Variants in EBF3 observed in about 807,000 individuals in gnomAD.
EBF3 encodes EBF transcription factor 3, also known as transcription factor COE3.
EBF3 carries 18 observed loss-of-function variants against 77.1 expected under a neutral mutation model. The ratio of observed to expected loss-of-function variants is 0.23; its 90% CI spans 0.16 to 0.35. EBF3 has a LOEUF of 0.35. Among genes scored for constraint, EBF3 ranks in the 10% least tolerant of loss-of-function variants. The pLI is 1.00. For synonymous variants in EBF3, 350 were observed against 343.5 expected, an observed-to-expected ratio of 1.02 and a Z score of -0.21; for missense variants, 558 against 860.0, an observed-to-expected ratio of 0.65 and a Z score of 4.39.
At chr10:129,913,121 C>T (rs534306235) in intron 6 of EBF3, among the ~76,000 whole-genome samples, 1 of 152,372 alleles carries the variant, frequency 6.6e-6, no homozygotes, top group Non-Finnish European at 1.5e-5. Flanking sequence ...TCGAGCTAGG[C>T]ATTTTTCTCT....
rs1429809198 is a variant in EBF3, at chr10:129,836,896, C to A, written c.*1047G>T. The A allele has an allele frequency of 1.3e-5, 2 of 152,572 alleles. No homozygotes were observed. The highest frequency in any genetic ancestry group is 2.9e-5 in the Non-Finnish European group (2 of 68,020). The allele number at this position is 152,572 out of a possible 1,614,324, so 9.5% of individuals were successfully genotyped here. ...CAAGTGTTCATGGGAAAGTAAGTGT[C>A]AAATGAAGACCATTTTATTCCTTAT... On this transcript the variant is annotated 3_prime_UTR_variant, in exon 17 of 17. Transcript: ENST00000440978.
At position 129,837,691 on chromosome 10, in the gene EBF3, G is replaced by T; in HGVS notation, c.*252C>A. 3.8e-6 allele frequency: 2 copies of T among 532,834 alleles called. No homozygotes were observed. The highest frequency in any genetic ancestry group is 3.3e-6 in the Non-Finnish European group (1 of 302,138). 33.0% of individuals were successfully genotyped at this position (532,834 alleles called of 1,614,324 possible). On this transcript the variant is annotated 3_prime_UTR_variant, in exon 17 of 17. Coordinates refer to ENST00000440978, the MANE Select transcript of EBF3 (RefSeq NM_001375380.1). ...TCCTTATTCTTCAGGACTGAGAAAT[G>T]TGAAAATATGAGAAAAGTTCAGTCA...
At chr10:129,882,558 C>T (rs761216517) in intron 6 of EBF3, among the ~76,000 whole-genome samples, 1 of 152,166 alleles carries the variant, frequency 6.6e-6, no homozygotes, top group Non-Finnish European at 1.5e-5. Flanking sequence ...AGGTGTTGAG[C>T]AATATTAGGG....
chr10:129,963,406 A>C lies in EBF3; in HGVS notation c.252T>G (p.Ile84Met), dbSNP rs769018515. ...CAAAGTCCACAAAAGCGGTCCTTTC[A>C]ATCTCCACCGGCTGCCCCTGCCTAT... is the stretch of plus-strand genomic sequence containing the variant. The part of the protein sequence containing the change: ...LYDRQGQPVE[I>M]ERTAFVDFVE... Residue 84 changes from isoleucine (I) to methionine (M), a missense_variant, in exon 2 of 17, where the codon ATT (isoleucine) becomes ATG (methionine). This residue lies in a region of EBF3 where 84 missense variants were observed against 142.3 expected (regional missense o/e 0.59). Transcript: ENST00000440978. This position sits in a 1 kb window ranked among gnomAD's most constrained non-coding sequence, Gnocchi z 7.1. 2.5e-6 allele frequency: 4 copies of C among 1,591,740 alleles called. No individual in the cohort carries two copies. The highest frequency in any genetic ancestry group is 3.4e-6 in the Non-Finnish European group (4 of 1,169,104).
chr10:129,876,509 GCCCAAAGAGCCCGC>G (rs1852781771), intron 7 of EBF3, among the ~76,000 whole-genome samples: 1 of 152,256 alleles, frequency 6.6e-6, no homozygotes, highest in Admixed American at 6.5e-5. Flanking sequence ...CTGTGGGCGG[GCCCAAAGAGCCCGC>G]CTCCTCTGAC....
Position 129,929,725 on chromosome 10 carries a change from G to C in EBF3, c.554+27533C>G, listed in dbSNP as rs567560275. On this transcript the variant is annotated intron_variant, in intron 6 of 16. Coordinates refer to ENST00000440978, the MANE Select transcript of EBF3 (RefSeq NM_001375380.1). The stretch of plus-strand genomic sequence containing the variant: ...CAGAGCACCATGGTGCCATCAAGGT[G>C]GCATCCTCAAAATGCACACACAAGT... Among the ~76,000 whole-genome samples the C allele has an allele frequency of 4.6e-5, 7 of 152,250 alleles. No homozygotes were observed. In the South Asian group the frequency reaches 1.5e-3, roughly 32 times the overall value.
intron 4 of EBF3, 34 bp from the exon 5 acceptor site, chr10:129,959,041 C>A: frequency 6.3e-7 from 1 of 1,595,864 alleles, no homozygotes; most frequent in Non-Finnish European, 8.5e-7. Flanking sequence ...TGGGGTTACG[C>A]GGCGCCCGCG....
chr10:129,875,443 G>A (rs1405147074), intron 7 of EBF3, among the ~76,000 whole-genome samples: 5 of 152,214 alleles, frequency 3.3e-5, no homozygotes, highest in South Asian at 4.2e-4. Context: ...TGATCCACCC[G>A]CCTCAGCCTC....
intron 10 of EBF3, among the ~76,000 whole-genome samples, chr10:129,857,411 A>C (rs1851328175): frequency 6.6e-6 from 1 of 151,790 alleles, no homozygotes; most frequent in East Asian, 1.9e-4. Flanking sequence ...TCACAGCCCC[A>C]TGCCCAGCTG....
chr10:129,930,816 CCT>C (rs1434562593), intron 6 of EBF3, among the ~76,000 whole-genome samples: 2 of 144,752 alleles, frequency 1.4e-5, no homozygotes, highest in Non-Finnish European at 3.0e-5. Flanking sequence ...AACAAATCCC[CCT>C]CTCATATATC....
intron 6 of EBF3, among the ~76,000 whole-genome samples, chr10:129,948,322 T>C (rs555396086): frequency 1.4e-5 from 2 of 147,358 alleles, no homozygotes; most frequent in East Asian, 2.0e-4. Context: ...ACATAATGTA[T>C]GCTACCAACT....
At chr10:129,859,647 C>T (rs987221469) in intron 10 of EBF3, among the ~76,000 whole-genome samples, 14 of 152,266 alleles carry the variant, frequency 9.2e-5, no homozygotes, top group African/African-American at 3.1e-4. Context: ...CCAACGTGCA[C>T]AGACAGGTCT....
intron 7 of EBF3, among the ~76,000 whole-genome samples, chr10:129,875,161 A>G (rs922714972): frequency 6.6e-6 from 1 of 150,852 alleles, no homozygotes; most frequent in Non-Finnish European, 1.5e-5. Context: ...TTTATATATG[A>G]ATACATGTGC....
intron 6 of EBF3, among the ~76,000 whole-genome samples, chr10:129,883,459 G>A (rs1266306770): frequency 1.3e-5 from 2 of 152,148 alleles, no homozygotes; most frequent in African/African-American, 4.8e-5. Context: ...GGGGATGGGG[G>A]GAACCTGCTT....
intron 6 of EBF3, among the ~76,000 whole-genome samples, chr10:129,936,886 G>A (rs1365445942): frequency 6.6e-6 from 1 of 152,216 alleles, no homozygotes; most frequent in Admixed American, 6.5e-5. Flanking sequence ...AACAAATCAA[G>A]GCAGGAGGGC....
At chr10:129,937,323 G>C (rs527343901) in intron 6 of EBF3, among the ~76,000 whole-genome samples, 1 of 152,248 alleles carries the variant, frequency 6.6e-6, no homozygotes, top group African/African-American at 2.4e-5. Context: ...CAGAGGCTCA[G>C]GACACCCCAA....
rs1318327196 is a variant in EBF3 at position 129,885,834 on chromosome 10, G to A, written c.555-7985C>T. The stretch of plus-strand genomic sequence containing the variant: ...CCCTGACTTGTTGCCAGCTCCAGGG[G>A]AGGCTTTTACAGGTTATGCAGAGAT... On this transcript the variant is annotated intron_variant, in intron 6 of 16. Transcript: ENST00000440978. This position sits in a 1 kb window ranked among gnomAD's most constrained non-coding sequence, Gnocchi z 4.0. Among the ~76,000 whole-genome samples the A allele has an allele frequency of 2.6e-5, 4 of 152,142 alleles. No homozygotes were observed. Among genetic ancestry groups the A allele is most frequent in the Non-Finnish European group, 5.9e-5 (4 of 68,026 alleles).
chr10:129,922,413 G>A (rs1589866254), intron 6 of EBF3, among the ~76,000 whole-genome samples: 1 of 152,196 alleles, frequency 6.6e-6, no homozygotes, highest in South Asian at 2.1e-4. Context: ...CCCCACCCGT[G>A]CCCCCCGGCC....
At chr10:129,849,339 G>A (rs894831700) in intron 10 of EBF3, among the ~76,000 whole-genome samples, 1 of 152,180 alleles carries the variant, frequency 6.6e-6, no homozygotes, top group Non-Finnish European at 1.5e-5. Flanking sequence ...GGCGTTTTCC[G>A]TGGAGTCACT....
Sources: gnomAD v4.1 joint callset for allele counts (sites outside exome capture counted in the v4.1 genomes callset) on GRCh38, gnomAD v4.1.1 for gene constraint, gnomAD v4.1.1 regional missense constraint, Gnocchi (gnomAD v3.1) non-coding constraint, MANE v1.5 for transcripts, NCBI Gene and HGNC (gene_info 2026-07-23, HGNC 2026-07-21) for gene names.